NAALADL2: variants seen among roughly 807,000 people sequenced by gnomAD.
The protein encoded by NAALADL2 is inactive N-acetylated-alpha-linked acidic dipeptidase-like protein 2.
A neutral mutation model predicts 87.2 loss-of-function variants in NAALADL2; 76 were observed. That is an observed-to-expected ratio of 0.87 (90% CI 0.72 to 1.05). NAALADL2 has a LOEUF of 1.05. Among genes scored for constraint, NAALADL2 ranks in the 50% least tolerant of loss-of-function variants. The probability of loss-of-function intolerance (pLI) is 0.00; values close to 1 mark genes in which losing one functional copy is unlikely to be tolerated. For synonymous variants in NAALADL2, 354 were observed against 331.0 expected (o/e 1.07, Z -0.75); for missense variants, 1,089 against 945.8 (o/e 1.15, Z -1.99).
At chr3:174,738,848 T>TG (rs1448724034) in intron 3 of NAALADL2, among the ~76,000 whole-genome samples, 2 of 152,156 alleles carry the variant, frequency 1.3e-5, no homozygotes, top group East Asian at 3.9e-4. Context: ...ATAGTACATT[T>TG]GGGGAAAAAA....
At chr3:174,996,570 C>A (rs879906544) in intron 1 of NAALADL2, among the ~76,000 whole-genome samples, 14 of 151,978 alleles carry the variant, frequency 9.2e-5, no homozygotes, top group South Asian at 2.1e-4. Flanking sequence ...TTGAGCACTG[C>A]TGCTCCTACT....
intron 2 of NAALADL2, among the ~76,000 whole-genome samples, chr3:174,675,950 A>T (rs959628458): frequency 2.9e-4 from 44 of 152,192 alleles, no homozygotes; most frequent in Non-Finnish European, 2.9e-4. Flanking sequence ...TTTAAGCAGA[A>T]ATAAAAATTT....
At chr3:175,266,461 A>G (rs954813483) in intron 4 of NAALADL2, among the ~76,000 whole-genome samples, 1 of 151,576 alleles carries the variant, frequency 6.6e-6, no homozygotes, top group African/African-American at 2.4e-5. Flanking sequence ...CCACCAGAAA[A>G]TCCTTTAGAT....
At chr3:175,256,998 T>C (rs1054076292) in intron 4 of NAALADL2, 20 of 152,174 alleles carry the variant, frequency 1.3e-4, no homozygotes, top group African/African-American at 3.9e-4. Flanking sequence ...ACTATACAAC[T>C]ACAGTTACTA....
chr3:174,506,295 C>T (rs1221631763), intron 1 of NAALADL2, among the ~76,000 whole-genome samples: 1 of 151,544 alleles, frequency 6.6e-6, no homozygotes, highest in Non-Finnish European at 1.5e-5. Flanking sequence ...ATTCTCCTGT[C>T]TCAGCCTCCC....
At chr3:174,863,774 A>T (rs1051719140) in intron 1 of NAALADL2, 1 of 215,580 alleles carries the variant, frequency 4.6e-6, no homozygotes, top group African/African-American at 2.4e-5. Context: ...TTGTGATGCC[A>T]CAAAGAGGAC....
Position 175,256,392 on chromosome 3 carries a change from GT to G in NAALADL2, c.820-13del. On this transcript the variant is annotated intron_variant, in intron 3 of 13. Transcript: ENST00000454872. ...TTCCTCTGAGGCTTTATTTTTCTTT[GT>G]TTTTTCTCCTCTTTCAGGCTGAAGT... 1 of 1,590,042 alleles carries G rather than the reference GT, an allele frequency of 6.3e-7. No homozygotes were observed. Among genetic ancestry groups the G allele is most frequent in the Non-Finnish European group, 8.5e-7 (1 of 1,171,610 alleles).
intron 3 of NAALADL2, among the ~76,000 whole-genome samples, chr3:174,774,822 C>A (rs975002400): frequency 1.3e-5 from 2 of 152,204 alleles, no homozygotes; most frequent in Admixed American, 1.3e-4. Flanking sequence ...AATGAGAGAT[C>A]ATGCTCTCAG....
intron 1 of NAALADL2, among the ~76,000 whole-genome samples, chr3:174,922,309 TAAAAA>T (rs35627069): frequency 9.4e-5 from 13 of 137,884 alleles, no homozygotes; most frequent in African/African-American, 2.7e-4. Flanking sequence ...GACCTTATCT[TAAAAA>T]AAAAAAAAAA....
intron 2 of NAALADL2, among the ~76,000 whole-genome samples, chr3:174,582,152 T>C (rs1030487937): frequency 6.6e-6 from 1 of 152,166 alleles, no homozygotes; most frequent in African/African-American, 2.4e-5. Flanking sequence ...AGATTATCCT[T>C]TGGACTTAGT....
intron 2 of NAALADL2, among the ~76,000 whole-genome samples, chr3:174,630,383 A>T (rs1241514919): frequency 6.6e-6 from 1 of 152,164 alleles, no homozygotes; most frequent in Non-Finnish European, 1.5e-5. Context: ...TTCATAACAA[A>T]ATGTGAAAAT....
At chr3:174,609,012 C>T (rs369764776) in intron 2 of NAALADL2, among the ~76,000 whole-genome samples, 32 of 151,290 alleles carry the variant, frequency 2.1e-4, no homozygotes, top group African/African-American at 5.1e-4. Flanking sequence ...GTTCAATATA[C>T]GCAAATCAAT....
chr3:175,234,092 G>C lies in NAALADL2; in HGVS notation c.707G>C (p.Ser236Thr). 6.2e-7 allele frequency: 1 copy of C among 1,613,910 alleles called. No homozygotes were observed. Among genetic ancestry groups the C allele is most frequent in the African/African-American group, 1.3e-5 (1 of 75,042 alleles). The change falls in exon 3 of 14, where the codon AGT becomes ACT. Residue 236 changes from serine (S) to threonine (T), a missense_variant. By Grantham distance (58) the Ser-to-Thr change is moderately conservative. Transcript: ENST00000454872. ...CCCAGCACTGTGACTCTGAGCAGCAGTGGTCAATGCTTTCATCCTAATGGC... is the reference window on the plus strand; with the variant it reads ...CCCAGCACTGTGACTCTGAGCAGCACTGGTCAATGCTTTCATCCTAATGGC... Reference protein sequence around the residue: ...PSPSTVTLSSSGQCFHPNGQP... With the variant: ...PSPSTVTLSSTGQCFHPNGQP...
intron 3 of NAALADL2, chr3:175,235,690 CTAAACAAAAGCATGTCT>C (rs1394645801): frequency 1.3e-5 from 2 of 152,208 alleles, no homozygotes; most frequent in Non-Finnish European, 2.9e-5. Context: ...ATGTCTTCTC[CTAAACAAAAGCATGTCT>C]TAAACACAGA....
rs1266282828 is a variant in NAALADL2 at position 174,934,670 on chromosome 3, A to T, written c.43+75220A>T. On this transcript the variant is annotated intron_variant, in intron 1 of 13. Transcript: ENST00000454872. ...CTATAAAAACAAAACAACAAAACAT[A>T]AACAACAACAACAAAAAACTATGTG... Among the ~76,000 whole-genome samples the T allele has an allele frequency of 5.9e-5, 9 of 152,034 alleles. No individual in the cohort carries two copies. In the East Asian group the frequency reaches 1.7e-3, roughly 29 times the overall value.
chr3:174,562,343 C>A (rs538826684), intron 2 of NAALADL2, among the ~76,000 whole-genome samples: 106 of 152,044 alleles, frequency 7.0e-4, no homozygotes, highest in African/African-American at 2.5e-3. Context: ...ATACCAGTAG[C>A]CTTAAAGGTG....
chr3:174,745,458 A>C (rs1272577039), intron 3 of NAALADL2, among the ~76,000 whole-genome samples: 1 of 152,154 alleles, frequency 6.6e-6, no homozygotes, highest in African/African-American at 2.4e-5. Context: ...AGAGCTTACC[A>C]ACCAAAAAGT....
chr3:174,747,764 G>T (rs1242514977), intron 3 of NAALADL2, among the ~76,000 whole-genome samples: 2 of 151,536 alleles, frequency 1.3e-5, no homozygotes, highest in Non-Finnish European at 2.9e-5. Context: ...ATTCCTCAAA[G>T]ATCTAGAACC....
chr3:175,739,893 T>C (rs1160579957), intron 12 of NAALADL2, among the ~76,000 whole-genome samples: 1 of 152,206 alleles, frequency 6.6e-6, no homozygotes, highest in Non-Finnish European at 1.5e-5. Context: ...ATTACTTTGA[T>C]ACAAATTTGC....
Sources: allele counts gnomAD v4.1 joint callset (sites outside exome capture counted in the v4.1 genomes callset), GRCh38; gene constraint gnomAD v4.1.1; transcripts MANE v1.5; gene names NCBI Gene and HGNC (gene_info 2026-07-23, HGNC 2026-07-21).